EPB41L1: variants seen among roughly 807,000 people sequenced by gnomAD.
The protein encoded by EPB41L1 is erythrocyte membrane protein band 4.1 like 1, also known as band 4.1-like protein 1.
EPB41L1 carries 29 observed loss-of-function variants against 97.8 expected under a neutral mutation model. The observed-to-expected ratio is 0.30, with a 90% CI of 0.22 to 0.40. EPB41L1 has a LOEUF of 0.40. Ranked by LOEUF, EPB41L1 falls within the 10% of genes least tolerant of loss-of-function variation. The pLI is 1.00. For missense variants in EPB41L1, 812 were observed against 1,162.3 expected (o/e 0.70, Z 4.38); for synonymous variants, 383 against 459.2 (o/e 0.83, Z 2.12).
chr20:36,109,627 T>C (rs931631032), intron 1 of EPB41L1: 4 of 152,132 alleles, frequency 2.6e-5, no homozygotes, highest in Admixed American at 2.0e-4. Context: ...GGATGGGGAT[T>C]TGGGGCTGCT....
At position 36,199,885 on chromosome 20, in the gene EPB41L1, G is replaced by A. The variant is rs561533278; in HGVS notation, c.1668+1844G>A. Among the ~76,000 whole-genome samples, 9 of 152,318 alleles carry A rather than the reference G, an allele frequency of 5.9e-5. No individual in the cohort carries two copies. The South Asian group carries it at 1.9e-3, about 32-fold the overall frequency. ...GAAGTGAGGTCTAGACCTCTGGAGTGTCTCAGTGTAGCCTGGTGTAGGGTG... is the reference window on the plus strand; with the variant it reads ...GAAGTGAGGTCTAGACCTCTGGAGTATCTCAGTGTAGCCTGGTGTAGGGTG... On this transcript the variant is annotated intron_variant, in intron 14 of 21. Coordinates refer to ENST00000338074, the MANE Select transcript of EPB41L1 (RefSeq NM_012156.2).
At chr20:36,192,216 A>T (rs2061986926) in intron 11 of EPB41L1, among the ~76,000 whole-genome samples, 1 of 151,832 alleles carries the variant, frequency 6.6e-6, no homozygotes, top group Non-Finnish European at 1.5e-5. Flanking sequence ...GCGAGACTCC[A>T]TCTCAAAAAA....
chr20:36,136,315 C>A (rs1029900001), intron 2 of EPB41L1, among the ~76,000 whole-genome samples: 4 of 149,856 alleles, frequency 2.7e-5, no homozygotes, highest in African/African-American at 7.4e-5. Flanking sequence ...GGACTACAGG[C>A]ACATGCAACT....
intron 17 of EPB41L1, among the ~76,000 whole-genome samples, 174 bp from the exon 18 acceptor site, chr20:36,218,702 G>A (rs2063587365): frequency 6.6e-6 from 1 of 152,252 alleles, no homozygotes; most frequent in South Asian, 2.1e-4. Context: ...GAACAAATGT[G>A]TGCCTGAGTG....
intron 6 of EPB41L1, among the ~76,000 whole-genome samples, chr20:36,183,115 G>A (rs555222331): frequency 6.6e-6 from 1 of 152,334 alleles, no homozygotes; most frequent in South Asian, 2.1e-4. Context: ...AACCAGAACG[G>A]GGGAAGCCCT....
rs1016413187 is a variant in EPB41L1 at position 36,232,510 on chromosome 20, T to G, written c.*3170T>G. The G allele has an allele frequency of 2.3e-5, 9 of 398,348 alleles. No homozygotes were observed. Among genetic ancestry groups the G allele is most frequent in the Non-Finnish European group, 3.5e-5 (8 of 226,070 alleles). 24.7% of individuals were successfully genotyped at this position (398,348 alleles called of 1,614,324 possible). A position where few individuals can be genotyped will look rare whatever the true frequency, so the allele number is the denominator to read the frequency against. Reference sequence around the variant, plus strand: ...TCTTATTTTGTTTTCTCTGGATCTTTTCCATCTGAGGGTACAGGAAGTACC... The same window carrying G: ...TCTTATTTTGTTTTCTCTGGATCTTGTCCATCTGAGGGTACAGGAAGTACC... On this transcript the variant is annotated 3_prime_UTR_variant, in exon 22 of 22. Transcript: ENST00000338074.
Position 36,219,874 on chromosome 20 carries a change from C to T in EPB41L1, c.2439+30C>T, listed in dbSNP as rs1427365557. ...GTAGCAGCAGGGCGCCCCATGCCCC[C>T]AGCCGAGCTGCAGGCGAGAAGGTCA... On this transcript the variant is annotated intron_variant, in intron 19 of 21. Coordinates refer to ENST00000338074, the MANE Select transcript of EPB41L1 (RefSeq NM_012156.2). 3 of 1,590,046 alleles carry T rather than the reference C, an allele frequency of 1.9e-6. No homozygotes were observed. In the Admixed American group the frequency reaches 5.0e-5, roughly 27 times the overall value.
At chr20:36,124,412 T>TATTGGTCTCCATAG in intron 2 of EPB41L1, among the ~76,000 whole-genome samples, 1 of 152,240 alleles carries the variant, frequency 6.6e-6, no homozygotes, top group Admixed American at 6.5e-5. Context: ...TCCAGCCATC[T>TATTGGTCTCCATAG]ATCTCTATTG....
rs181702972 is a variant in EPB41L1 at position 36,173,628 on chromosome 20, C to A, written c.-14-136C>A. ...TCCTCCCCACTTCCTCTGTCTCTCC[C>A]TTCCTCCTCCCTTTGCCCTGTGACT... On this transcript the variant is annotated intron_variant, in intron 1 of 21. Coordinates refer to ENST00000338074, the MANE Select transcript of EPB41L1 (RefSeq NM_012156.2). 23 of 799,068 alleles carry A rather than the reference C, an allele frequency of 2.9e-5. No individual in the cohort carries two copies. In the South Asian group the frequency reaches 3.3e-4, roughly 12 times the overall value. 49.5% of individuals were successfully genotyped at this position (799,068 alleles called of 1,614,324 possible).
chr20:36,208,867 G>T (rs1169544379), intron 14 of EPB41L1, among the ~76,000 whole-genome samples: 3 of 152,192 alleles, frequency 2.0e-5, no homozygotes, highest in Non-Finnish European at 4.4e-5. Context: ...ATGGAGCCCA[G>T]GGTGGAGCTG....
intron 12 of EPB41L1, 64 bp downstream of exon 12, chr20:36,194,424 C>T (rs868459416): frequency 7.7e-6 from 12 of 1,551,726 alleles, no homozygotes; most frequent in East Asian, 2.4e-5. Flanking sequence ...GAGGTCTAGC[C>T]TCGGCCTTGA....
Position 36,206,013 on chromosome 20 carries a change from A to G in EPB41L1, c.1669-3475A>G. ...TAGACGTTCTGGTGGACAAGTTCAA[A>G]GTGGAAGTGGCCACAGAAGAAATGG... On this transcript the variant is annotated intron_variant, in intron 14 of 21. Transcript: ENST00000338074. This position sits in a 1 kb window ranked among gnomAD's most constrained non-coding sequence, Gnocchi z 5.5. 1 of 1,289,898 alleles carries G rather than the reference A, an allele frequency of 7.8e-7. No individual in the cohort carries two copies. Among genetic ancestry groups the G allele is most frequent in the Non-Finnish European group, 1.0e-6 (1 of 988,886 alleles). The allele number at this position is 1,289,898 out of a possible 1,614,324, so 79.9% of individuals were successfully genotyped here.
intron 1 of EPB41L1, among the ~76,000 whole-genome samples, chr20:36,097,171 T>C (rs1384865200): frequency 6.6e-6 from 1 of 152,198 alleles, no homozygotes; most frequent in Non-Finnish European, 1.5e-5. Flanking sequence ...CATGCCTTGT[T>C]ATGTGACTGA....
chr20:36,134,493 C>T (rs2059341365), intron 2 of EPB41L1, among the ~76,000 whole-genome samples: 1 of 152,186 alleles, frequency 6.6e-6, no homozygotes, highest in African/African-American at 2.4e-5. Flanking sequence ...GGCAGGAGAC[C>T]AGCTCATGGT....
At chr20:36,131,980 G>A (rs938275570) in intron 2 of EPB41L1, among the ~76,000 whole-genome samples, 2 of 152,100 alleles carry the variant, frequency 1.3e-5, no homozygotes, top group Non-Finnish European at 2.9e-5. Flanking sequence ...ATCTCTCTAG[G>A]TTAGAGCTTG....
In EPB41L1 at chr20:36,187,673, C is replaced by T. The variant is rs1289854432; in HGVS notation, c.786-3C>T. Reference sequence around the variant, plus strand: ...TCACCTGTGATCACTTTCTTTCCCTCAGGGGGATGACCCCGGGAGAAGCAG... The same window carrying T: ...TCACCTGTGATCACTTTCTTTCCCTTAGGGGGATGACCCCGGGAGAAGCAG... On this transcript the variant is annotated splice_polypyrimidine_tract_variant and splice_region_variant and intron_variant, in intron 7 of 21. Coordinates refer to ENST00000338074, the MANE Select transcript of EPB41L1 (RefSeq NM_012156.2). The T allele has an allele frequency of 1.9e-6, 3 of 1,613,664 alleles. No individual in the cohort carries two copies. The highest frequency in any genetic ancestry group is 2.5e-6 in the Non-Finnish European group (3 of 1,179,772).
At chr20:36,220,657 G>A (rs572449087) in intron 19 of EPB41L1, among the ~76,000 whole-genome samples, 3 of 152,148 alleles carry the variant, frequency 2.0e-5, no homozygotes, top group Admixed American at 6.5e-5. Context: ...GGAGAGAGAC[G>A]GATAATAAAT....
In EPB41L1 at chr20:36,209,837, G is replaced by C; in HGVS notation, c.2018G>C (p.Gly673Ala). 1.2e-6 allele frequency: 2 copies of C among 1,613,772 alleles called. No individual in the cohort carries two copies. Among genetic ancestry groups the C allele is most frequent in the Non-Finnish European group, 1.7e-6 (2 of 1,179,988 alleles). Residue 673 changes from glycine to alanine, a missense_variant, in exon 15 of 22, where the codon GGG becomes GCG. Coordinates refer to ENST00000338074, the MANE Select transcript of EPB41L1 (RefSeq NM_012156.2). This position sits in a 1 kb window ranked among gnomAD's most constrained non-coding sequence, Gnocchi z 4.2. ...GCCCCCAGCCAGGATGATGAGTCTG[G>C]GGGCATTGAGGACAGCCCGGATCGA... Reference protein sequence around the residue: ...KGAPSQDDESGGIEDSPDRGA... With the variant: ...KGAPSQDDESAGIEDSPDRGA...
intron 2 of EPB41L1, among the ~76,000 whole-genome samples, chr20:36,124,024 G>A (rs1035585778): frequency 1.3e-5 from 2 of 152,074 alleles, no homozygotes; most frequent in Non-Finnish European, 1.5e-5. Flanking sequence ...TGAGGTGGGC[G>A]GATCACGAAG....
Sources: gnomAD v4.1 joint callset for allele counts (sites outside exome capture counted in the v4.1 genomes callset) on GRCh38, gnomAD v4.1.1 for gene constraint, Gnocchi (gnomAD v3.1) non-coding constraint, MANE v1.5 for transcripts, NCBI Gene and HGNC (gene_info 2026-07-23, HGNC 2026-07-21) for gene names.